The following TDP1 variants were observed in gnomAD, a reference collection of about 807,000 sequenced individuals.
TDP1 encodes tyrosyl-DNA phosphodiesterase 1, also known as tyr-DNA phosphodiesterase 1.
In TDP1, 64 loss-of-function variants were observed where a neutral mutation model predicts 81.5. The ratio of observed to expected loss-of-function variants is 0.79; its 90% confidence interval spans 0.64 to 0.97. The LOEUF is 0.97. TDP1 is among the 50% of genes least tolerant of loss of function. TDP1 has a pLI of 0.00. For synonymous variants in TDP1, 256 were observed against 264.3 expected, an observed-to-expected ratio of 0.97 and a Z score of 0.30; for missense variants, 723 against 743.8, an observed-to-expected ratio of 0.97 and a Z score of 0.33.
chr14:90,027,998 C>T (rs976628343), intron 15 of TDP1, among the ~76,000 whole-genome samples: 1 of 152,232 alleles, frequency 6.6e-6, no homozygotes, highest in African/African-American at 2.4e-5. Flanking sequence ...GATGTCACTT[C>T]TGTGATGACG....
In TDP1 at chr14:90,043,090, A is replaced by G. The variant is rs1448678545; in HGVS notation, c.1774A>G (p.Ile592Val). ...GSKDRPWIWN[I>V]PYVKAPDTHG... The stretch of plus-strand genomic sequence containing the variant: ...CCCAGATCGGCCATGGATATGGAAC[A>G]TTCCTTATGTCAAAGCACCGGATAC... The change falls in exon 17 of 17, where the codon ATT becomes GTT. Residue 592 changes from isoleucine (I) to valine (V), a missense_variant. Transcript: ENST00000335725. 5 of 1,614,084 alleles carry G rather than the reference A, an allele frequency of 3.1e-6. No homozygotes were observed. The highest frequency in any genetic ancestry group is 4.2e-6 in the Non-Finnish European group (5 of 1,180,028).
chr14:89,976,527 CT>C (rs35744477), intron 7 of TDP1, among the ~76,000 whole-genome samples: 1,347 of 88,654 alleles, frequency 0.015, 2 homozygotes, highest in African/African-American at 0.036. Flanking sequence ...CAACAGAGCT[CT>C]TTTTTTTTTT....
At chr14:90,017,218 G>A (rs991020568) in intron 14 of TDP1, among the ~76,000 whole-genome samples, 6 of 149,742 alleles carry the variant, frequency 4.0e-5, no homozygotes, top group East Asian at 2.0e-4. Flanking sequence ...GTGTGTGCAC[G>A]CACACACACA....
chr14:90,040,450 G>A (rs1327304812), intron 16 of TDP1, among the ~76,000 whole-genome samples: 5 of 152,212 alleles, frequency 3.3e-5, no homozygotes, highest in Non-Finnish European at 5.9e-5. Flanking sequence ...GCTGCCCAGC[G>A]TTTCTCATGT....
At chr14:89,964,187 G>A (rs1356217647) in intron 3 of TDP1, among the ~76,000 whole-genome samples, 26 of 151,958 alleles carry the variant, frequency 1.7e-4, no homozygotes, top group Non-Finnish European at 4.4e-5. Flanking sequence ...TAAAAGCCTG[G>A]TTTTAGTTCC....
At chr14:89,990,659 A>G (rs1196499962) in intron 12 of TDP1, among the ~76,000 whole-genome samples, 1 of 143,648 alleles carries the variant, frequency 7.0e-6, no homozygotes, top group Non-Finnish European at 1.5e-5. Flanking sequence ...AATAGGCTAG[A>G]TTCATTCAAA....
chr14:90,005,152 A>G (rs951428488), intron 14 of TDP1, among the ~76,000 whole-genome samples: 7 of 152,164 alleles, frequency 4.6e-5, no homozygotes, highest in Non-Finnish European at 8.8e-5. Flanking sequence ...TGAACAGTCC[A>G]TCTGCTCTGC....
At chr14:90,028,291 A>C (rs1886883948) in intron 15 of TDP1, among the ~76,000 whole-genome samples, 1 of 152,206 alleles carries the variant, frequency 6.6e-6, no homozygotes, top group African/African-American at 2.4e-5. Context: ...TATCCAGGAA[A>C]GCCTGATGCC....
At chr14:89,998,440 G>GTATGTATATGTATA (rs1896906388) in intron 14 of TDP1, among the ~76,000 whole-genome samples, 1 of 106,444 alleles carries the variant, frequency 9.4e-6, no homozygotes, top group African/African-American at 4.7e-5. Context: ...ATGTATGTAT[G>GTATGTATATGTATA]TATATGTATA....
chr14:90,033,024 AT>A (rs925500383), intron 15 of TDP1, 81 bp from the exon 16 acceptor site: 12 of 1,188,988 alleles, frequency 1.0e-5, no homozygotes, highest in Non-Finnish European at 1.5e-5. Flanking sequence ...TAAAGATATT[AT>A]TGCTTCTTGA....
chr14:89,993,331 C>G lies in TDP1; in HGVS notation c.1434-45C>G, dbSNP rs146145253. On this transcript the variant is annotated intron_variant, in intron 13 of 16. Transcript: ENST00000335725. ...AGTTTCCTAATATTAGGATTATGATCAATTTTATTTCATAATTAGTAACTT... is the reference window on the plus strand; with the variant it reads ...AGTTTCCTAATATTAGGATTATGATGAATTTTATTTCATAATTAGTAACTT... 2,265 of 1,491,828 alleles carry G rather than the reference C, an allele frequency of 1.5e-3. 9 individuals are homozygous for G. Among genetic ancestry groups the G allele is most frequent in the Non-Finnish European group, 1.9e-3 (2,089 of 1,074,120 alleles). 92.4% of individuals were successfully genotyped at this position (1,491,828 alleles called of 1,614,324 possible). A position where few individuals can be genotyped will look rare whatever the true frequency, so the allele number is the denominator to read the frequency against.
rs35728861 is a variant in TDP1, at chr14:90,038,217, A to C, written c.1754-4853A>C. ...TTAAAATTTAAGTGGCTGAAACTAA[A>C]CTAATAAACTGCAAATGTAGTTAAT... On this transcript the variant is annotated intron_variant, in intron 16 of 16. Coordinates refer to ENST00000335725, the MANE Select transcript of TDP1 (RefSeq NM_018319.4). Among the ~76,000 whole-genome samples, 239 of 152,332 alleles carry C rather than the reference A, an allele frequency of 1.6e-3. 1 individual carries two copies. Among genetic ancestry groups the C allele is most frequent in the African/African-American group, 5.5e-3 (228 of 41,580 alleles).
intron 16 of TDP1, among the ~76,000 whole-genome samples, chr14:90,042,400 A>C (rs998094659): frequency 4.6e-5 from 7 of 152,158 alleles, no homozygotes; most frequent in African/African-American, 1.7e-4. Flanking sequence ...ATAGGTACAG[A>C]TAAGGAACCT....
chr14:90,037,521 A>G (rs1470982352), intron 16 of TDP1, among the ~76,000 whole-genome samples: 1 of 152,148 alleles, frequency 6.6e-6, no homozygotes, highest in Non-Finnish European at 1.5e-5. Context: ...TTTCCTTTCA[A>G]AGTTTTGGCA....
intron 16 of TDP1, among the ~76,000 whole-genome samples, chr14:90,041,646 G>T (rs1163294752): frequency 2.0e-5 from 3 of 152,192 alleles, no homozygotes; most frequent in Non-Finnish European, 4.4e-5. Flanking sequence ...TAACTTGGTG[G>T]TCCATGCCAG....
intron 15 of TDP1, chr14:90,022,643 CTG>C: frequency 1.1e-5 from 6 of 553,122 alleles, no homozygotes; most frequent in Non-Finnish European, 1.1e-5. Flanking sequence ...TCTTGTCAGT[CTG>C]TAAAAAGGGT....
chr14:89,972,640 T>G (rs34932024), intron 6 of TDP1, among the ~76,000 whole-genome samples: 1 of 152,190 alleles, frequency 6.6e-6, no homozygotes, highest in South Asian at 2.1e-4. Context: ...CGTGGCGCAT[T>G]TTGAGCAAGA....
upstream of TDP1, chr14:89,955,555 C>T (rs1390047310): frequency 6.6e-6 from 1 of 152,254 alleles, no homozygotes; most frequent in Non-Finnish European, 1.5e-5. Flanking sequence ...TGCACCCAGC[C>T]CCTCCCAGGA....
At chr14:89,967,344 T>C (rs533817704) in intron 4 of TDP1, 23 bp from the exon 5 acceptor site, 3 of 1,612,044 alleles carry the variant, frequency 1.9e-6, no homozygotes, top group East Asian at 2.2e-5. Flanking sequence ...ATGGCTTAGT[T>C]ACTCTTCTTT....
Sources: gnomAD v4.1 joint callset for allele counts (sites outside exome capture counted in the v4.1 genomes callset) on GRCh38, gnomAD v4.1.1 for gene constraint, MANE v1.5 for transcripts, NCBI Gene and HGNC (gene_info 2026-07-23, HGNC 2026-07-21) for gene names.